The following MAF variants were observed in gnomAD, a reference collection of about 807,000 sequenced individuals.
MAF encodes MAF bZIP transcription factor, also known as transcription factor Maf.
MAF carries 10 observed loss-of-function variants against 22.0 expected under a neutral mutation model. The observed-to-expected ratio is 0.45, with a 90% CI of 0.28 to 0.77. The LOEUF (loss-of-function observed/expected upper bound fraction) is 0.77. Ranked by LOEUF, MAF falls within the 30% of genes least tolerant of loss-of-function variation. The probability of loss-of-function intolerance (pLI) is 0.12; values close to 1 mark genes in which losing one functional copy is unlikely to be tolerated. For synonymous variants in MAF, 337 were observed against 255.8 expected, an observed-to-expected ratio of 1.32 and a Z score of -3.03; for missense variants, 544 against 548.4, an observed-to-expected ratio of 0.99 and a Z score of 0.08.
the MAF span, among the ~76,000 whole-genome samples, chr16:79,359,879 G>A: frequency 6.6e-6 from 1 of 152,156 alleles, no homozygotes; most frequent in Non-Finnish European, 1.5e-5. Flanking sequence ...GCTGGGAAGT[G>A]GAAGGAGCTT....
chr16:79,226,900 C>A, the MAF span, among the ~76,000 whole-genome samples: 1 of 151,948 alleles, frequency 6.6e-6, no homozygotes, highest in Non-Finnish European at 1.5e-5. Context: ...AGTCATGGAG[C>A]CTCCAGAAAG....
chr16:79,543,830 G>T, the MAF span, among the ~76,000 whole-genome samples: 1 of 152,060 alleles, frequency 6.6e-6, no homozygotes, highest in Non-Finnish European at 1.5e-5. Context: ...GGGACTACAG[G>T]CGCCTACCAC....
chr16:79,355,997 C>T, the MAF span, among the ~76,000 whole-genome samples: 1 of 152,242 alleles, frequency 6.6e-6, no homozygotes, highest in Non-Finnish European at 1.5e-5. Flanking sequence ...CTCCTTTCTC[C>T]TCCCCGGAGA....
the MAF span, among the ~76,000 whole-genome samples, chr16:79,531,120 A>G: frequency 1.3e-5 from 2 of 152,228 alleles, no homozygotes; most frequent in African/African-American, 4.8e-5. Flanking sequence ...CTAGATGAAA[A>G]TCAGGGACTA....
At chr16:79,519,806 G>T in the MAF span, among the ~76,000 whole-genome samples, 17 of 152,402 alleles carry the variant, frequency 1.1e-4, no homozygotes, top group Admixed American at 9.1e-4. Flanking sequence ...CAGGTAGCCA[G>T]CTGTGGTCCT....
chr16:79,351,208 G>A, the MAF span, among the ~76,000 whole-genome samples: 90 of 152,218 alleles, frequency 5.9e-4, no homozygotes, highest in Middle Eastern at 3.4e-3. Flanking sequence ...TTGTTTATCC[G>A]AGGACTGCAA....
At chr16:79,269,712 C>T in the MAF span, among the ~76,000 whole-genome samples, 1 of 152,162 alleles carries the variant, frequency 6.6e-6, no homozygotes, top group African/African-American at 2.4e-5. Flanking sequence ...AGGTCGGGGG[C>T]TGTCCCTGCC....
At chr16:79,226,489 C>T in the MAF span, among the ~76,000 whole-genome samples, 2 of 151,952 alleles carry the variant, frequency 1.3e-5, no homozygotes, top group Non-Finnish European at 2.9e-5. Context: ...TAAAAACCTG[C>T]ATGTTCTGCA....
chr16:79,229,952 C>A, the MAF span, among the ~76,000 whole-genome samples: 2 of 151,970 alleles, frequency 1.3e-5, no homozygotes, highest in East Asian at 1.9e-4. Context: ...CACAGCCCCG[C>A]CATCTAATCA....
chr16:79,333,202 C>G, the MAF span, among the ~76,000 whole-genome samples: 1 of 152,112 alleles, frequency 6.6e-6, no homozygotes, highest in African/African-American at 2.4e-5. Context: ...GCTCGCTGGA[C>G]CAGAAGAACT....
the MAF span, among the ~76,000 whole-genome samples, chr16:79,298,573 T>G: frequency 1.3e-5 from 2 of 152,136 alleles, no homozygotes; most frequent in Non-Finnish European, 2.9e-5. Context: ...CCAGCCAGGT[T>G]AAGAAGCAGT....
chr16:79,233,981 G>C, the MAF span, among the ~76,000 whole-genome samples: 10,731 of 144,292 alleles, frequency 0.074, 564 homozygotes, highest in Middle Eastern at 0.14. Flanking sequence ...GAAAGAGTGA[G>C]ACTCCATCGC....
At chr16:79,209,814 G>GTTGT in the MAF span, among the ~76,000 whole-genome samples, 6 of 152,184 alleles carry the variant, frequency 3.9e-5, no homozygotes, top group African/African-American at 1.4e-4. Flanking sequence ...ACCCCTTGAA[G>GTTGT]TTGTTTAGAT....
the MAF span, among the ~76,000 whole-genome samples, chr16:79,278,225 A>G: frequency 1.3e-5 from 2 of 152,226 alleles, no homozygotes; most frequent in African/African-American, 4.8e-5. Context: ...CCTTTGCCCA[A>G]AAAGGGCAGG....
At chr16:79,488,118 G>A in the MAF span, among the ~76,000 whole-genome samples, 6 of 152,202 alleles carry the variant, frequency 3.9e-5, no homozygotes, top group African/African-American at 9.7e-5. Context: ...GGCACGCCTG[G>A]CGCTGCCACC....
the MAF span, among the ~76,000 whole-genome samples, chr16:79,256,879 C>G: frequency 6.6e-6 from 1 of 152,166 alleles, no homozygotes; most frequent in South Asian, 2.1e-4. Flanking sequence ...CACACACAAA[C>G]CATAAACAGA....
At chr16:79,281,135 G>A in the MAF span, among the ~76,000 whole-genome samples, 1 of 151,806 alleles carries the variant, frequency 6.6e-6, no homozygotes, top group Non-Finnish European at 1.5e-5. Flanking sequence ...GCTACCAGAG[G>A]GAAGAAGTAG....
chr16:79,346,498 G>A, the MAF span, among the ~76,000 whole-genome samples: 5 of 151,970 alleles, frequency 3.3e-5, no homozygotes, highest in South Asian at 2.1e-4. Flanking sequence ...TTTGTCTAAC[G>A]GCAAAGAAAA....
chr16:79,226,585 G>C, the MAF span, among the ~76,000 whole-genome samples: 1 of 152,050 alleles, frequency 6.6e-6, no homozygotes, highest in East Asian at 1.9e-4. Context: ...CGTTATAAAA[G>C]TTGGTAGGGT....
Sources: gnomAD v4.1 joint callset for allele counts (sites outside exome capture counted in the v4.1 genomes callset) on GRCh38, gnomAD v4.1.1 for gene constraint, MANE v1.5 for transcripts, NCBI Gene and HGNC (gene_info 2026-07-23, HGNC 2026-07-21) for gene names.